FERMT3: variants seen among roughly 807,000 people sequenced by gnomAD.
The protein encoded by FERMT3 is fermitin family homolog 3.
In FERMT3, 33 loss-of-function variants were observed where a neutral mutation model predicts 80.8. That is an observed-to-expected ratio of 0.41 (90% CI 0.31 to 0.55). FERMT3 has a LOEUF of 0.55. Among genes scored for constraint, FERMT3 ranks in the 20% least tolerant of loss-of-function variants. The pLI is 0.31. For missense variants in FERMT3, 754 were observed against 908.7 expected (o/e 0.83, Z 2.19); for synonymous variants, 375 against 372.2 (o/e 1.01, Z -0.09).
At chr11:64,214,505 C>A (rs1258696361) in intron 6 of FERMT3, among the ~76,000 whole-genome samples, 1 of 151,792 alleles carries the variant, frequency 6.6e-6, no homozygotes, top group East Asian at 1.9e-4. Flanking sequence ...ACCACCACGC[C>A]TGGCTAATTT....
chr11:64,223,579 C>G lies in FERMT3; in HGVS notation c.*87C>G. Reference sequence around the variant, plus strand: ...CCACAGGGGCTCACTGCCCCACACCCGCTCCAGGCAGGCACCCAGCTGGGC... The same window carrying G: ...CCACAGGGGCTCACTGCCCCACACCGGCTCCAGGCAGGCACCCAGCTGGGC... On this transcript the variant is annotated 3_prime_UTR_variant, in exon 15 of 15. Transcript: ENST00000345728. 3 of 1,464,268 alleles carry G rather than the reference C, an allele frequency of 2.0e-6. No homozygotes were observed. Among genetic ancestry groups the G allele is most frequent in the Non-Finnish European group, 2.8e-6 (3 of 1,080,686 alleles). The allele number at this position is 1,464,268 out of a possible 1,614,324, so 90.7% of individuals were successfully genotyped here.
At chr11:64,215,161 G>GT (rs759762384) in intron 6 of FERMT3, among the ~76,000 whole-genome samples, 3 of 152,158 alleles carry the variant, frequency 2.0e-5, no homozygotes, top group Admixed American at 6.6e-5. Flanking sequence ...CCACAATCCA[G>GT]TTTTAGAACA....
At position 64,211,531 on chromosome 11, in the gene FERMT3, C is replaced by T. The variant is rs1011776754; in HGVS notation, c.683+88C>T. ...CGTGTCTGTGCCCACCCCAGATCCA[C>T]ACTTCGTTTCCAGGCCTTTTCTCTG... is the stretch of plus-strand genomic sequence containing the variant. On this transcript the variant is annotated intron_variant, in intron 5 of 14. Coordinates refer to ENST00000345728, the MANE Select transcript of FERMT3 (RefSeq NM_031471.6). The surrounding 1 kb of genome is among the most constrained non-coding windows in gnomAD (Gnocchi z 4.7). The T allele has an allele frequency of 5.3e-6, 8 of 1,512,162 alleles. No homozygotes were observed. The highest frequency in any genetic ancestry group is 7.1e-6 in the Non-Finnish European group (8 of 1,121,808). 93.7% of individuals were successfully genotyped at this position (1,512,162 alleles called of 1,614,324 possible). A position where few individuals can be genotyped will look rare whatever the true frequency, so the allele number is the denominator to read the frequency against.
At chr11:64,212,047 CAGTG>C (rs1946454494) in intron 6 of FERMT3, among the ~76,000 whole-genome samples, 1 of 152,184 alleles carries the variant, frequency 6.6e-6, no homozygotes, top group African/African-American at 2.4e-5. Context: ...TCCTCATAGA[CAGTG>C]TGTGTGTGGG....
At chr11:64,218,840 C>T (rs1311449370) in intron 6 of FERMT3, among the ~76,000 whole-genome samples, 2 of 152,216 alleles carry the variant, frequency 1.3e-5, no homozygotes, top group Non-Finnish European at 2.9e-5. Context: ...TGACTGCTTC[C>T]CCATGTTCCA....
In FERMT3 at chr11:64,207,352, A is replaced by AGCAGCC. The variant is rs2134827665; in HGVS notation, c.-6_-1dup. 6.2e-7 allele frequency: 1 copy of AGCAGCC among 1,614,048 alleles called. No homozygotes were observed. Among genetic ancestry groups the AGCAGCC allele is most frequent in the Middle Eastern group, 1.7e-4 (1 of 6,060 alleles). The stretch of plus-strand genomic sequence containing the variant: ...TGCCTCCTTCCACACTCTCTGTAGC[A>AGCAGCC]GCAGCCGCAGCCATGGCGGGGATGA... On this transcript the variant is annotated splice_region_variant and 5_prime_UTR_variant, in exon 2 of 15. Coordinates refer to ENST00000345728, the MANE Select transcript of FERMT3 (RefSeq NM_031471.6).
intron 6 of FERMT3, among the ~76,000 whole-genome samples, chr11:64,214,397 G>A (rs1164418205): frequency 6.6e-6 from 1 of 152,090 alleles, no homozygotes; most frequent in African/African-American, 2.4e-5. Flanking sequence ...CCAGGCTAGA[G>A]TGCAATGGTG....
chr11:64,206,614 A>T (rs548043553), upstream of FERMT3: 7 of 152,632 alleles, frequency 4.6e-5, no homozygotes, highest in African/African-American at 7.2e-5. Flanking sequence ...GGCCCCTGGA[A>T]CCCTCTGTGG....
Position 64,211,556 on chromosome 11 carries a change from G to A in FERMT3, c.684-89G>A. On this transcript the variant is annotated intron_variant, in intron 5 of 14. Transcript: ENST00000345728. This position sits in a 1 kb window ranked among gnomAD's most constrained non-coding sequence, Gnocchi z 4.7. ...CACTTCGTTTCCAGGCCTTTTCTCT[G>A]TGTGTGCTTGTCCCCCCAGCCCAGC... 1 of 1,512,770 alleles carries A rather than the reference G, an allele frequency of 6.6e-7. No individual in the cohort carries two copies. The highest frequency in any genetic ancestry group is 8.9e-7 in the Non-Finnish European group (1 of 1,118,740). 93.7% of individuals were successfully genotyped at this position (1,512,770 alleles called of 1,614,324 possible). A position where few individuals can be genotyped will look rare whatever the true frequency, so the allele number is the denominator to read the frequency against.
intron 2 of FERMT3, among the ~76,000 whole-genome samples, chr11:64,208,874 C>G (rs927045221): frequency 1.3e-5 from 2 of 152,090 alleles, no homozygotes; most frequent in African/African-American, 2.4e-5. Context: ...AGACTTTCTT[C>G]TGGAGGGGAA....
intron 2 of FERMT3, among the ~76,000 whole-genome samples, chr11:64,209,022 G>C (rs1591024895): frequency 6.6e-6 from 1 of 152,328 alleles, no homozygotes; most frequent in Non-Finnish European, 1.5e-5. Context: ...CGGGCAGGGA[G>C]GATGGAGAGG....
Position 64,223,430 on chromosome 11 carries a change from C to T in FERMT3, c.1930C>T (p.Arg644Cys), listed in dbSNP as rs1438060121. The T allele has an allele frequency of 8.1e-6, 13 of 1,613,310 alleles. No individual in the cohort carries two copies. Among genetic ancestry groups the T allele is most frequent in the East Asian group, 2.2e-5 (1 of 44,890 alleles). ...TTTCCTGTCGACGCGGGAGCGGGCC[C>T]GTGGGGAGGAGCTGGATGAAGACCT... ...YIFLSTRERA[R>C]GEELDEDLFL... is the part of the protein sequence containing the mutation. Residue 644 changes from arginine (R) to cysteine (C), a missense_variant, in exon 15 of 15, where the codon CGT (arginine) becomes TGT (cysteine). Transcript: ENST00000345728.
chr11:64,219,995 T>C lies in FERMT3; in HGVS notation c.1184T>C (p.Ile395Thr), dbSNP rs752166840. Residue 395 changes from isoleucine (I) to threonine (T), a missense_variant, in exon 10 of 15, where the codon ATT becomes ACT. Transcript: ENST00000345728. The surrounding 1 kb of genome is among the most constrained non-coding windows in gnomAD (Gnocchi z 4.0). ...CAGGACGAGGCCCCTGGGGACCCCA[T>C]TCAGCAGCTCAACCTCAAGGGTAAG... ...KSQDEAPGDP[I>T]QQLNLKGCEV... 6.8e-5 allele frequency: 110 copies of C among 1,613,410 alleles called. No homozygotes were observed. Among genetic ancestry groups the C allele is most frequent in the Non-Finnish European group, 9.2e-5 (108 of 1,179,948 alleles).
At chr11:64,208,810 C>G (rs1946374127) in intron 2 of FERMT3, among the ~76,000 whole-genome samples, 2 of 152,182 alleles carry the variant, frequency 1.3e-5, no homozygotes, top group Admixed American at 6.5e-5. Flanking sequence ...AGAAATGAGG[C>G]TGGCTGGTGC....
Position 64,211,413 on chromosome 11 carries a change from C to T in FERMT3, c.653C>T (p.Ser218Phe), listed in dbSNP as rs1234157032. ...LLLQRLPRPS[S>F]LSDKTQLHSR... ...CTCCAGCGTCTGCCACGGCCCAGCT[C>T]CCTGTCAGACAAGACCCAGCTCCAC... The change falls in exon 5 of 15, where the codon TCC becomes TTC. Residue 218 changes from serine (S) to phenylalanine (F), a missense_variant. Ser to Phe is a radical substitution (Grantham distance 155). Transcript: ENST00000345728. The surrounding 1 kb of genome is among the most constrained non-coding windows in gnomAD (Gnocchi z 4.7). 1.2e-6 allele frequency: 2 copies of T among 1,600,984 alleles called. No homozygotes were observed. Among genetic ancestry groups the T allele is most frequent in the Non-Finnish European group, 1.7e-6 (2 of 1,175,632 alleles).
At position 64,223,090 on chromosome 11, in the gene FERMT3, C is replaced by G; in HGVS notation, c.1713C>G (p.Asn571Lys). 6.2e-7 allele frequency: 1 copy of G among 1,613,912 alleles called. No individual in the cohort carries two copies. Among genetic ancestry groups the G allele is most frequent in the Non-Finnish European group, 8.5e-7 (1 of 1,180,048 alleles). Reference sequence around the variant, plus strand: ...AAGACGAGATCCTGGGCATCGCCAACAACCGACTGATCCGCATCGACTTGG... The same window carrying G: ...AAGACGAGATCCTGGGCATCGCCAAGAACCGACTGATCCGCATCGACTTGG... Reference protein sequence around the residue: ...SRKDEILGIANNRLIRIDLAV... With the variant: ...SRKDEILGIAKNRLIRIDLAV... Residue 571 changes from asparagine (N) to lysine (K), a missense_variant, in exon 14 of 15, where the codon AAC becomes AAG. Asn to Lys is a moderately conservative substitution (Grantham distance 94). Coordinates refer to ENST00000345728, the MANE Select transcript of FERMT3 (RefSeq NM_031471.6).
At chr11:64,221,443 A>G (rs1946679054) in intron 13 of FERMT3, among the ~76,000 whole-genome samples, 1 of 152,054 alleles carries the variant, frequency 6.6e-6, no homozygotes, top group East Asian at 1.9e-4. Flanking sequence ...AGCCTGGGCA[A>G]CACAGAAAGT....
chr11:64,217,249 T>C (rs959799827), intron 6 of FERMT3, among the ~76,000 whole-genome samples: 14 of 152,066 alleles, frequency 9.2e-5, no homozygotes, highest in Non-Finnish European at 8.8e-5. Flanking sequence ...AATGCCAGCT[T>C]TCTTTAAATT....
chr11:64,206,161 G>A (rs900434058), upstream of FERMT3, among the ~76,000 whole-genome samples: 6 of 152,176 alleles, frequency 3.9e-5, no homozygotes, highest in Non-Finnish European at 7.4e-5. Flanking sequence ...GGATGGTCTG[G>A]GCCAAGTACT....
Sources: gnomAD v4.1 joint callset for allele counts (sites outside exome capture counted in the v4.1 genomes callset) on GRCh38, gnomAD v4.1.1 for gene constraint, Gnocchi (gnomAD v3.1) non-coding constraint, MANE v1.5 for transcripts, NCBI Gene and HGNC (gene_info 2026-07-23, HGNC 2026-07-21) for gene names.